The following CUL5 variants were observed in gnomAD, a reference collection of about 807,000 sequenced individuals.
CUL5 encodes cullin 5, also known as cullin-5.
CUL5 carries 26 observed loss-of-function variants against 108.8 expected under a neutral mutation model. That is an observed-to-expected ratio of 0.24 (90% CI 0.18 to 0.33). The LOEUF is 0.33. Among genes scored for constraint, CUL5 ranks in the 10% least tolerant of loss-of-function variants. CUL5 has a pLI of 1.00. For synonymous variants in CUL5, 334 were observed against 298.0 expected (o/e 1.12, Z -1.25); for missense variants, 524 against 909.2 (o/e 0.58, Z 5.45).
intron 4 of CUL5, 90 bp downstream of exon 4, chr11:108,050,156 G>T: frequency 1.9e-6 from 2 of 1,049,498 alleles, no homozygotes; most frequent in South Asian, 3.5e-5. Context: ...TTTTAAGTGG[G>T]TTTTTCTACT....
intron 16 of CUL5, 59 bp downstream of exon 16, chr11:108,095,750 G>T: frequency 7.2e-7 from 1 of 1,384,984 alleles, no homozygotes; most frequent in South Asian, 1.3e-5. Context: ...GGAAATATAT[G>T]ATTGGCTTGT....
chr11:108,089,356 G>T (rs975912482), intron 12 of CUL5, 136 bp from the exon 13 acceptor site: 7 of 516,536 alleles, frequency 1.4e-5, no homozygotes, highest in Non-Finnish European at 2.0e-5. Context: ...CTCAGAGATG[G>T]ATAATTCAGT....
Position 108,095,809 on chromosome 11 carries a change from A to G in CUL5, c.1905+118A>G, listed in dbSNP as rs1350264390. On this transcript the variant is annotated intron_variant, in intron 16 of 18. Coordinates refer to ENST00000393094, the MANE Select transcript of CUL5 (RefSeq NM_003478.6). ...GTTTCAGAATGTCTTATCAAGAAAA[A>G]TAGAGGCCGGGCACAGTGGATCACG... 4.1e-6 allele frequency: 4 copies of G among 977,788 alleles called. No individual in the cohort carries two copies. In the Admixed American group the frequency reaches 1.0e-4, roughly 25 times the overall value. The allele number at this position is 977,788 out of a possible 1,614,324, so 60.6% of individuals were successfully genotyped here. A position where few individuals can be genotyped will look rare whatever the true frequency, so the allele number is the denominator to read the frequency against.
chr11:108,053,289 C>T (rs956843014), intron 5 of CUL5, among the ~76,000 whole-genome samples: 1 of 152,212 alleles, frequency 6.6e-6, no homozygotes, highest in African/African-American at 2.4e-5. Context: ...TAGTGCTTCA[C>T]AGTACCTGTG....
At chr11:108,010,688 C>G (rs1346820983) in intron 1 of CUL5, among the ~76,000 whole-genome samples, 1 of 152,188 alleles carries the variant, frequency 6.6e-6, no homozygotes, top group Non-Finnish European at 1.5e-5. Flanking sequence ...CAATAAATTA[C>G]TATAACTACT....
rs1461366571 is a variant in CUL5 at position 108,073,290 on chromosome 11, C to T, written c.1006-100C>T. ...GTTTTATTTTTAAGAAAAAATATCC[C>T]CAGTTTTAAATGAGTTTTATTAAAA... On this transcript the variant is annotated intron_variant, in intron 9 of 18. Coordinates refer to ENST00000393094, the MANE Select transcript of CUL5 (RefSeq NM_003478.6). The T allele has an allele frequency of 5.0e-6, 3 of 602,076 alleles. No homozygotes were observed. In the East Asian group the frequency reaches 9.6e-5, roughly 19 times the overall value. 37.3% of individuals were successfully genotyped at this position (602,076 alleles called of 1,614,324 possible).
chr11:108,044,541 A>G (rs1199855128), intron 2 of CUL5, among the ~76,000 whole-genome samples: 2 of 151,750 alleles, frequency 1.3e-5, no homozygotes, highest in Non-Finnish European at 2.9e-5. Flanking sequence ...AAACAATTTG[A>G]TTATTGACAT....
At chr11:108,097,205 G>T (rs1169831392) in intron 16 of CUL5, among the ~76,000 whole-genome samples, 2 of 152,098 alleles carry the variant, frequency 1.3e-5, no homozygotes, top group Non-Finnish European at 2.9e-5. Context: ...CAGTAGAGAC[G>T]GGGTTTTGCC....
At chr11:108,037,052 A>G (rs1239682928) in intron 2 of CUL5, among the ~76,000 whole-genome samples, 3 of 151,914 alleles carry the variant, frequency 2.0e-5, no homozygotes, top group African/African-American at 7.3e-5. Flanking sequence ...CAAACTTTTA[A>G]CATTTTTGGT....
chr11:108,042,084 T>G (rs559009990), intron 2 of CUL5, among the ~76,000 whole-genome samples: 1 of 152,318 alleles, frequency 6.6e-6, no homozygotes, highest in Admixed American at 6.5e-5. Context: ...GGACTGTGAT[T>G]GAATATAAGG....
In CUL5 at chr11:108,047,453, A is replaced by G. The variant is rs931212380; in HGVS notation, c.234+1084A>G. Among the ~76,000 whole-genome samples the G allele has an allele frequency of 3.9e-5, 6 of 152,212 alleles. No individual in the cohort carries two copies. The South Asian group carries it at 6.2e-4, about 16-fold the overall frequency. The stretch of plus-strand genomic sequence containing the variant: ...GTTGTTTGTTAAATCGTGTTATTAA[A>G]TACTAAAAGGTGCTTAGCAGTTGAA... On this transcript the variant is annotated intron_variant, in intron 3 of 18. Transcript: ENST00000393094.
intron 10 of CUL5, among the ~76,000 whole-genome samples, chr11:108,076,690 T>C (rs1863949185): frequency 6.6e-6 from 1 of 152,176 alleles, no homozygotes; most frequent in African/African-American, 2.4e-5. Context: ...GCAGTTATCT[T>C]TGTGAAGTGG....
chr11:108,028,206 A>G (rs1214809967), intron 1 of CUL5, among the ~76,000 whole-genome samples: 1 of 152,238 alleles, frequency 6.6e-6, no homozygotes, highest in African/African-American at 2.4e-5. Flanking sequence ...GTTAAATGTA[A>G]TACATCTAAA....
intron 1 of CUL5, among the ~76,000 whole-genome samples, chr11:108,021,927 G>A (rs1006912860): frequency 1.2e-4 from 19 of 152,102 alleles, no homozygotes; most frequent in Non-Finnish European, 2.8e-4. Context: ...CAGTTGTCCC[G>A]CCTCAGCCTC....
At chr11:108,097,992 T>C (rs144385228) in intron 17 of CUL5, among the ~76,000 whole-genome samples, 2 of 152,352 alleles carry the variant, frequency 1.3e-5, no homozygotes, top group East Asian at 1.9e-4. Flanking sequence ...ATCTTTCAGG[T>C]TGATATCTTT....
rs865930748 is a variant in CUL5 at position 108,049,777 on chromosome 11, G to A, written c.235-113G>A. The A allele has an allele frequency of 3.9e-5, 31 of 788,040 alleles. No homozygotes were observed. In the African/African-American group the frequency reaches 5.0e-4, roughly 13 times the overall value. 48.8% of individuals were successfully genotyped at this position (788,040 alleles called of 1,614,324 possible). On this transcript the variant is annotated intron_variant, in intron 3 of 18. Coordinates refer to ENST00000393094, the MANE Select transcript of CUL5 (RefSeq NM_003478.6). ...ATGTTTTAATTTCTTTTGGATATAA[G>A]AGCTTGTACAATAATTTAAAAATTA...
At chr11:108,062,941 G>A (rs1046632973) in intron 7 of CUL5, among the ~76,000 whole-genome samples, 5 of 152,114 alleles carry the variant, frequency 3.3e-5, no homozygotes, top group Non-Finnish European at 5.9e-5. Flanking sequence ...CGCCTCCTGG[G>A]TTCAAGTGAT....
chr11:108,051,716 G>T (rs1863227695), intron 4 of CUL5, among the ~76,000 whole-genome samples: 1 of 152,148 alleles, frequency 6.6e-6, no homozygotes, highest in South Asian at 2.1e-4. Flanking sequence ...CAGATTTTCA[G>T]TTGGTCCTTT....
At chr11:108,016,031 C>G (rs1388986828) in intron 1 of CUL5, among the ~76,000 whole-genome samples, 3 of 152,108 alleles carry the variant, frequency 2.0e-5, no homozygotes, top group African/African-American at 7.2e-5. Flanking sequence ...AAGCGATCCT[C>G]CCACTTTAGC....
Sources: allele counts gnomAD v4.1 joint callset (sites outside exome capture counted in the v4.1 genomes callset), GRCh38; gene constraint gnomAD v4.1.1; transcripts MANE v1.5; gene names NCBI Gene and HGNC (gene_info 2026-07-23, HGNC 2026-07-21).